The following TRAK1 variants were observed in gnomAD, a reference collection of about 807,000 sequenced individuals.
The protein encoded by TRAK1 is trafficking kinesin protein 1.
TRAK1 carries 33 observed loss-of-function variants against 92.1 expected under a neutral mutation model. The ratio of observed to expected loss-of-function variants is 0.36; its 90% CI spans 0.27 to 0.48. The LOEUF (loss-of-function observed/expected upper bound fraction) is 0.48. Among genes scored for constraint, TRAK1 ranks in the 20% least tolerant of loss-of-function variants. The probability of loss-of-function intolerance (pLI) is 0.99; values close to 1 mark genes in which losing one functional copy is unlikely to be tolerated. For missense variants in TRAK1, 1,123 were observed against 1,257.9 expected, an observed-to-expected ratio of 0.89 and a Z score of 1.62; for synonymous variants, 521 against 517.3, an observed-to-expected ratio of 1.01 and a Z score of -0.10.
chr3:42,110,094 G>GTATAAATATATATATA (rs1708155711), intron 1 of TRAK1, among the ~76,000 whole-genome samples: 1 of 83,238 alleles, frequency 1.2e-5, no homozygotes, highest in Non-Finnish European at 2.3e-5. Context: ...AGAACTTAAA[G>GTATAAATATATATATA]TATATATATA....
chr3:42,185,702 G>T (rs1264897744), intron 4 of TRAK1, among the ~76,000 whole-genome samples: 1 of 127,420 alleles, frequency 7.8e-6, no homozygotes, highest in South Asian at 2.3e-4. Context: ...ATGGAATTTC[G>T]CTCTTGTCAT....
chr3:42,202,716 C>A lies in TRAK1; in HGVS notation c.1708C>A (p.Leu570Met). The A allele has an allele frequency of 6.2e-7, 1 of 1,614,004 alleles. No homozygotes were observed. Among genetic ancestry groups the A allele is most frequent in the Non-Finnish European group, 8.5e-7 (1 of 1,179,934 alleles). ...CATGTCCTTCAGCAGCCGCTCCTACCTGCCTGAGAAGCTCCAGATCGTGAA... is the reference window on the plus strand; with the variant it reads ...CATGTCCTTCAGCAGCCGCTCCTACATGCCTGAGAAGCTCCAGATCGTGAA... The part of the protein sequence containing the change: ...SGMSFSSRSY[L>M]PEKLQIVKPL... Residue 570 changes from leucine (L) to methionine (M), a missense_variant, in exon 13 of 16, where the codon CTG becomes ATG. By Grantham distance (15) the Leu-to-Met change is conservative (BLOSUM62 2). Transcript: ENST00000327628. The surrounding 1 kb of genome is among the most constrained non-coding windows in gnomAD (Gnocchi z 6.1).
intron 4 of TRAK1, among the ~76,000 whole-genome samples, chr3:42,186,786 A>G (rs554991359): frequency 5.3e-5 from 8 of 152,332 alleles, no homozygotes; most frequent in African/African-American, 2.4e-5. Context: ...TTTGAAAGCT[A>G]TGAATGTTTC....
intron 1 of TRAK1, among the ~76,000 whole-genome samples, chr3:42,080,004 A>T (rs1260162324): frequency 2.0e-5 from 3 of 152,092 alleles, no homozygotes; most frequent in Admixed American, 6.5e-5. Context: ...CTGGAGTGGT[A>T]TAGCTGGAAG....
intron 6 of TRAK1, among the ~76,000 whole-genome samples, chr3:42,189,684 C>T (rs1039803752): frequency 6.6e-6 from 1 of 152,096 alleles, no homozygotes; most frequent in African/African-American, 2.4e-5. Context: ...ACGCATGCCA[C>T]CATGCCCAGC....
intron 1 of TRAK1, among the ~76,000 whole-genome samples, chr3:42,109,567 G>T (rs1371125314): frequency 6.6e-6 from 1 of 152,152 alleles, no homozygotes; most frequent in Non-Finnish European, 1.5e-5. Flanking sequence ...ATGACTGATC[G>T]CTTTGAGTGT....
intron 9 of TRAK1, 95 bp downstream of exon 9, chr3:42,193,993 T>A (rs757375522): frequency 9.1e-7 from 1 of 1,099,440 alleles, no homozygotes; most frequent in Non-Finnish European, 1.3e-6. Flanking sequence ...TCGCAACTAC[T>A]GTTTTTATTT....
At position 42,194,827 on chromosome 3, in the gene TRAK1, C is replaced by T. The variant is rs951812410; in HGVS notation, c.999C>T (p.Tyr333=). ...AGCTGCGTGAGCTGGAGGACAAGTA[C>T]GCAGAGTGCATGGAGATGCTGCATG... is the stretch of plus-strand genomic sequence containing the variant. The part of the protein sequence containing the change: ...TAELRELEDK[Y]AECMEMLHEA... Residue 333 remains tyrosine (Y), a synonymous_variant, in exon 10 of 16, where the codon TAC becomes TAT. Transcript: ENST00000327628. 17 of 1,613,574 alleles carry T rather than the reference C, an allele frequency of 1.1e-5. No individual in the cohort carries two copies. The highest frequency in any genetic ancestry group is 6.7e-5 in the Admixed American group (4 of 59,938).
chr3:42,067,794 T>A (rs1703741764), intron 1 of TRAK1, among the ~76,000 whole-genome samples: 1 of 96,442 alleles, frequency 1.0e-5, no homozygotes, highest in South Asian at 5.6e-4. Context: ...GTAATTGGCC[T>A]ATCACGTAGT....
intron 12 of TRAK1, 100 bp downstream of exon 12, chr3:42,201,154 A>C (rs964102321): frequency 1.5e-6 from 2 of 1,306,924 alleles, no homozygotes; most frequent in African/African-American, 2.9e-5. Flanking sequence ...GGTAGATGAG[A>C]GTCACCTGAA....
chr3:42,221,357 C>T (rs907620699), intron 15 of TRAK1, among the ~76,000 whole-genome samples: 3 of 152,116 alleles, frequency 2.0e-5, no homozygotes, highest in African/African-American at 7.2e-5. Context: ...ATCCCCACCC[C>T]TGAGCTTGTG....
rs187456257 is a variant in TRAK1 at position 42,078,549 on chromosome 3, C to T, written c.-518-8555C>T. 4.9e-4 allele frequency among the ~76,000 whole-genome samples: 74 copies of T among 151,824 alleles called. No homozygotes were observed. The Middle Eastern group carries it at 0.017, about 35-fold the overall frequency. ...CAGGCGGATCATGAGGTCAGGAGAT[C>T]GAGACCATCCTGGCTAACACAGTGA... On this transcript the variant is annotated intron_variant, in intron 1 of 16. Transcript: ENST00000487159.
At chr3:42,200,788 T>C in intron 11 of TRAK1, 30 bp from the exon 12 acceptor site, 1 of 1,610,816 alleles carries the variant, frequency 6.2e-7, no homozygotes, top group Non-Finnish European at 8.5e-7. Context: ...CCGCATTTGC[T>C]CACTCACGGA....
At chr3:42,200,705 G>T in intron 11 of TRAK1, 113 bp from the exon 12 acceptor site, 1 of 1,026,900 alleles carries the variant, frequency 9.7e-7, no homozygotes. Flanking sequence ...AGGCTGCTGG[G>T]GGACTCGTCA....
chr3:42,099,497 C>T (rs781330338), intron 1 of TRAK1, among the ~76,000 whole-genome samples: 2 of 152,106 alleles, frequency 1.3e-5, no homozygotes, highest in African/African-American at 4.8e-5. Context: ...GGAACGTTTG[C>T]GTGGTACGAA....
At chr3:42,160,491 C>T in intron 2 of TRAK1, 1 of 1,612,970 alleles carries the variant, frequency 6.2e-7, no homozygotes, top group Non-Finnish European at 8.5e-7. Context: ...CTGTACTTGG[C>T]TCAGATTTGA....
At chr3:42,088,791 C>T (rs113407420), upstream of TRAK1, among the ~76,000 whole-genome samples, 1,113 of 152,340 alleles carry the variant, frequency 7.3e-3, 12 homozygotes, top group African/African-American at 0.025. Flanking sequence ...GGTCCCCACA[C>T]TCTCCCTGTT....
At chr3:42,051,518 A>G (rs765183639) in intron 1 of TRAK1, 1 of 152,234 alleles carries the variant, frequency 6.6e-6, no homozygotes, top group Non-Finnish European at 1.5e-5. Flanking sequence ...TGGGGATGGT[A>G]TTAACCCTGT....
chr3:42,219,929 T>G (rs1710178277), intron 15 of TRAK1, among the ~76,000 whole-genome samples: 1 of 151,796 alleles, frequency 6.6e-6, no homozygotes, highest in South Asian at 2.1e-4. Context: ...AGGCTATTAT[T>G]TATTTGGATC....
Sources: gnomAD v4.1 joint callset for allele counts (sites outside exome capture counted in the v4.1 genomes callset) on GRCh38, gnomAD v4.1.1 for gene constraint, Gnocchi (gnomAD v3.1) non-coding constraint, MANE v1.5 for transcripts, NCBI Gene and HGNC (gene_info 2026-07-23, HGNC 2026-07-21) for gene names.